TCF4: variants seen among roughly 807,000 people sequenced by gnomAD.
TCF4 encodes SL3-3 enhancer factor 2.
Under a neutral mutation model 82.1 loss-of-function variants are expected in TCF4, and 3 were observed. The ratio of observed to expected loss-of-function variants is 0.04; its 90% CI spans 0.02 to 0.09. The LOEUF is 0.09. TCF4 is among the 10% of genes least tolerant of loss of function. The pLI, the probability that TCF4 is intolerant of heterozygous loss-of-function variation, is 1.00. For missense variants in TCF4, 518 were observed against 852.7 expected (o/e 0.61, Z 4.89); for synonymous variants, 276 against 309.6 (o/e 0.89, Z 1.14).
intron 6 of TCF4, among the ~76,000 whole-genome samples, chr18:55,372,877 A>T (rs1034632653): frequency 1.3e-5 from 2 of 152,206 alleles, no homozygotes; most frequent in African/African-American, 4.8e-5. Flanking sequence ...GACACCAAAC[A>T]GATTTAGACT....
At chr18:55,607,680 T>C (rs1296313704) in intron 2 of TCF4, among the ~76,000 whole-genome samples, 1 of 152,182 alleles carries the variant, frequency 6.6e-6, no homozygotes, top group Non-Finnish European at 1.5e-5. Flanking sequence ...CTATATCATC[T>C]CCCATTCTCA....
intron 15 of TCF4, among the ~76,000 whole-genome samples, chr18:55,252,780 T>C (rs1450046290): frequency 6.6e-6 from 1 of 152,180 alleles, no homozygotes. Context: ...AGAGCAGATA[T>C]ACAGAAATGG....
At chr18:55,588,655 C>T (rs1046440359), upstream of TCF4, 18 of 1,339,092 alleles carry the variant, frequency 1.3e-5, no homozygotes, top group Non-Finnish European at 1.6e-5. Context: ...TACTAGGCTG[C>T]AAATACACGT....
In TCF4 at chr18:55,402,000, C is replaced by A. The variant is rs1024210328; in HGVS notation, c.369+1454G>T. 9 of 976,190 alleles carry A rather than the reference C, an allele frequency of 9.2e-6. No individual in the cohort carries two copies. The African/African-American group carries it at 1.6e-4, about 17-fold the overall frequency. The allele number at this position is 976,190 out of a possible 1,614,324, so 60.5% of individuals were successfully genotyped here. On this transcript the variant is annotated intron_variant, in intron 6 of 19. Transcript: ENST00000354452. ...GGAACTGAGAGCTTTACACCAGAGA[C>A]ACAGCACTCAGAGGCTTGTCGCCCA...
intron 8 of TCF4, among the ~76,000 whole-genome samples, chr18:55,337,208 C>CT (rs1390505101): frequency 6.6e-6 from 1 of 152,136 alleles, no homozygotes; most frequent in Non-Finnish European, 1.5e-5. Context: ...GAGATACACT[C>CT]TAATTACCAG....
chr18:55,590,543 A>G (rs1217867456), upstream of TCF4, among the ~76,000 whole-genome samples: 1 of 152,236 alleles, frequency 6.6e-6, no homozygotes, highest in African/African-American at 2.4e-5. Context: ...TAAAGCAAAT[A>G]ACGCCCACTT....
intron 3 of TCF4, 41 bp from the exon 4 acceptor site, chr18:55,464,178 A>AT (rs751056525): frequency 6.3e-7 from 1 of 1,593,072 alleles, no homozygotes. Context: ...TCTTGCAGTA[A>AT]TTTTTTCTTT....
chr18:55,270,728 CTG>C (rs2060174205), intron 10 of TCF4, among the ~76,000 whole-genome samples: 1 of 152,094 alleles, frequency 6.6e-6, no homozygotes, highest in African/African-American at 2.4e-5. Flanking sequence ...TCCAAATAAG[CTG>C]TGTTTCTTGG....
At chr18:55,534,524 C>G (rs554536756) in intron 3 of TCF4, among the ~76,000 whole-genome samples, 1 of 147,998 alleles carries the variant, frequency 6.8e-6, no homozygotes, top group East Asian at 2.0e-4. Context: ...AAAGACAAAG[C>G]TTAGGCTTCT....
chr18:55,349,285 T>C (rs889418572), intron 8 of TCF4, among the ~76,000 whole-genome samples: 2 of 152,138 alleles, frequency 1.3e-5, no homozygotes, highest in African/African-American at 2.4e-5. Context: ...ATTTAATAAT[T>C]GTTTGGATGA....
chr18:55,254,818 A>G, intron 14 of TCF4, 118 bp from the exon 15 acceptor site: 1 of 930,604 alleles, frequency 1.1e-6, no homozygotes, highest in Admixed American at 2.0e-5. Context: ...GTTTCCAATA[A>G]AATGTATTTC....
chr18:55,559,542 C>G (rs1260502989), intron 3 of TCF4, among the ~76,000 whole-genome samples: 1 of 151,680 alleles, frequency 6.6e-6, no homozygotes, highest in Non-Finnish European at 1.5e-5. Flanking sequence ...AAAATTAACA[C>G]CAGTTAACAT....
chr18:55,373,476 C>T (rs1286303135), intron 6 of TCF4, among the ~76,000 whole-genome samples: 1 of 151,942 alleles, frequency 6.6e-6, no homozygotes, highest in African/African-American at 2.4e-5. Context: ...AAATTTAAAT[C>T]AATTAGAAGG....
intron 3 of TCF4, among the ~76,000 whole-genome samples, chr18:55,500,737 T>C (rs1348105670): frequency 6.6e-6 from 1 of 152,222 alleles, no homozygotes; most frequent in Non-Finnish European, 1.5e-5. Flanking sequence ...TATATTGGCA[T>C]TTGGGACCCC....
chr18:55,340,409 T>C lies in TCF4; in HGVS notation c.549+9950A>G, dbSNP rs2079632785. 2.0e-5 allele frequency among the ~76,000 whole-genome samples: 3 copies of C among 151,326 alleles called. 1 individual carries two copies. The South Asian group carries it at 6.3e-4, about 32-fold the overall frequency. On this transcript the variant is annotated intron_variant, in intron 8 of 19. Transcript: ENST00000354452. ...GCCTGGGAAACACAGGGAGACCCTG[T>C]CTCTACCAAAAAAAAAGAAAAAAAT...
intron 3 of TCF4, among the ~76,000 whole-genome samples, chr18:55,476,201 A>G (rs1005021758): frequency 2.6e-5 from 4 of 152,334 alleles, no homozygotes; most frequent in Non-Finnish European, 5.9e-5. Context: ...AACATCTAAA[A>G]TATTTTAGAA....
intron 8 of TCF4, chr18:55,321,673 T>C (rs937144766): frequency 6.5e-7 from 1 of 1,536,136 alleles, no homozygotes; most frequent in Non-Finnish European, 8.7e-7. Context: ...CGCTTACCGC[T>C]TTCCCATTAT....
intron 11 of TCF4, chr18:55,264,468 T>C (rs982417562): frequency 9.2e-5 from 14 of 152,200 alleles, no homozygotes; most frequent in African/African-American, 2.7e-4. Context: ...ATTTTCTAGA[T>C]TGCCTGAACA....
chr18:55,554,513 T>C (rs938649372), intron 3 of TCF4, among the ~76,000 whole-genome samples: 21 of 152,236 alleles, frequency 1.4e-4, no homozygotes, highest in African/African-American at 5.1e-4. Flanking sequence ...TTCTGCCTTA[T>C]ATTCGTGTGT....
Sources: allele counts gnomAD v4.1 joint callset (sites outside exome capture counted in the v4.1 genomes callset), GRCh38; gene constraint gnomAD v4.1.1; transcripts MANE v1.5; gene names NCBI Gene and HGNC (gene_info 2026-07-23, HGNC 2026-07-21).